Variants in KLF12 observed in about 807,000 individuals in gnomAD.
KLF12 encodes Krueppel-like factor 12.
In KLF12, 9 loss-of-function variants were observed where a neutral mutation model predicts 37.8. The observed-to-expected ratio is 0.24, with a 90% CI of 0.14 to 0.42. KLF12 has a LOEUF of 0.42. Ranked by LOEUF, KLF12 falls within the 10% of genes least tolerant of loss-of-function variation. KLF12 has a pLI of 1.00. For synonymous variants in KLF12, 208 were observed against 202.1 expected, an observed-to-expected ratio of 1.03 and a Z score of -0.25; for missense variants, 411 against 516.0, an observed-to-expected ratio of 0.80 and a Z score of 1.97.
the KLF12 span, among the ~76,000 whole-genome samples, chr13:74,170,597 T>G: frequency 1.3e-5 from 2 of 152,226 alleles, no homozygotes; most frequent in East Asian, 3.8e-4. Context: ...TCAATCTTTG[T>G]AGTTAGCATG....
At chr13:74,019,860 C>T (rs1473674909) in intron 1 of KLF12, among the ~76,000 whole-genome samples, 1 of 152,188 alleles carries the variant, frequency 6.6e-6, no homozygotes, top group Non-Finnish European at 1.5e-5. Flanking sequence ...GCTCTCATTG[C>T]TCAGGGTCAT....
At chr13:74,028,907 T>C in intron 1 of KLF12, among the ~76,000 whole-genome samples, 1 of 152,144 alleles carries the variant, frequency 6.6e-6, no homozygotes, top group Admixed American at 6.5e-5. Flanking sequence ...TAAAAACATA[T>C]GATATTAAAA....
At chr13:73,804,638 C>T (rs1240896552) in intron 5 of KLF12, among the ~76,000 whole-genome samples, 6 of 152,084 alleles carry the variant, frequency 3.9e-5, no homozygotes. Flanking sequence ...CAGTCATTCA[C>T]AGTCAATCAA....
chr13:73,826,604 C>A (rs778910657), intron 4 of KLF12, among the ~76,000 whole-genome samples: 3 of 152,106 alleles, frequency 2.0e-5, no homozygotes, highest in Non-Finnish European at 4.4e-5. Flanking sequence ...GAGCTGAAAG[C>A]TCCTTTGTAT....
intron 3 of KLF12, among the ~76,000 whole-genome samples, chr13:73,895,553 G>A (rs1887722694): frequency 6.6e-6 from 1 of 152,066 alleles, no homozygotes; most frequent in African/African-American, 2.4e-5. Context: ...TATAGTGGGT[G>A]GTTAGTAATG....
intron 1 of KLF12, among the ~76,000 whole-genome samples, chr13:74,115,475 C>T (rs560973402): frequency 3.9e-5 from 6 of 152,118 alleles, no homozygotes; most frequent in Non-Finnish European, 8.8e-5. Context: ...GAGGCTGAAG[C>T]AGGTGGATCA....
At chr13:73,738,726 C>T (rs557014812) in intron 6 of KLF12, among the ~76,000 whole-genome samples, 1 of 152,136 alleles carries the variant, frequency 6.6e-6, no homozygotes, top group Middle Eastern at 3.4e-3. Flanking sequence ...TTATAAAGAA[C>T]AAAGACCATG....
intron 1 of KLF12, among the ~76,000 whole-genome samples, chr13:74,022,233 A>G (rs1892859457): frequency 6.6e-6 from 1 of 152,218 alleles, no homozygotes. Flanking sequence ...ACAAAGTACA[A>G]GGCAGACTGC....
chr13:74,117,448 C>G (rs566644208), intron 1 of KLF12, among the ~76,000 whole-genome samples: 49 of 149,930 alleles, frequency 3.3e-4, no homozygotes, highest in Non-Finnish European at 6.0e-4. Context: ...AAGATATATA[C>G]GCATGTACCC....
intron 5 of KLF12, among the ~76,000 whole-genome samples, chr13:73,775,213 C>A (rs1022057809): frequency 6.6e-6 from 1 of 152,100 alleles, no homozygotes; most frequent in Non-Finnish European, 1.5e-5. Context: ...CCACTGTGCC[C>A]GGCCTATCAC....
intron 3 of KLF12, among the ~76,000 whole-genome samples, chr13:73,848,434 T>C (rs1885142924): frequency 6.6e-6 from 1 of 151,896 alleles, no homozygotes; most frequent in African/African-American, 2.4e-5. Flanking sequence ...GTCTACCTCT[T>C]GTGGGTATCT....
At chr13:73,792,274 A>G (rs79190391) in intron 5 of KLF12, among the ~76,000 whole-genome samples, 1,572 of 152,350 alleles carry the variant, frequency 0.01, 32 homozygotes, top group African/African-American at 0.036. Flanking sequence ...ATCTCAAAGT[A>G]TAAAAAGGTC....
the KLF12 span, among the ~76,000 whole-genome samples, chr13:74,145,403 T>A: frequency 6.6e-6 from 1 of 152,326 alleles, no homozygotes; most frequent in South Asian, 2.1e-4. Context: ...TTATGAGTTA[T>A]CCTCATTGTT....
At chr13:73,962,776 C>T (rs9530266) in intron 2 of KLF12, among the ~76,000 whole-genome samples, 6 of 152,188 alleles carry the variant, frequency 3.9e-5, no homozygotes, top group African/African-American at 1.4e-4. Context: ...ATGGACAATT[C>T]GATAATGCAT....
chr13:74,041,585 C>A (rs1593851177), intron 1 of KLF12, among the ~76,000 whole-genome samples: 1 of 151,956 alleles, frequency 6.6e-6, no homozygotes, highest in Non-Finnish European at 1.5e-5. Flanking sequence ...TGCAGCAACT[C>A]TTCCTTCTTA....
the KLF12 span, among the ~76,000 whole-genome samples, chr13:74,145,336 G>A: frequency 6.6e-6 from 1 of 152,134 alleles, no homozygotes; most frequent in Non-Finnish European, 1.5e-5. Flanking sequence ...AAAAAGTTTG[G>A]TTGAGTAGGG....
intron 2 of KLF12, among the ~76,000 whole-genome samples, chr13:73,986,506 G>C (rs1257349250): frequency 6.6e-6 from 1 of 152,162 alleles, no homozygotes; most frequent in Non-Finnish European, 1.5e-5. Flanking sequence ...AGTCACTTAC[G>C]TTTTTGAAAA....
At chr13:74,119,543 G>A (rs1387537845) in intron 1 of KLF12, among the ~76,000 whole-genome samples, 1 of 152,146 alleles carries the variant, frequency 6.6e-6, no homozygotes, top group East Asian at 1.9e-4. Flanking sequence ...CATAAAAAAT[G>A]CTAGGCAAAT....
chr13:74,256,187 T>G, the KLF12 span, among the ~76,000 whole-genome samples: 2 of 149,642 alleles, frequency 1.3e-5, no homozygotes, highest in African/African-American at 4.9e-5. Context: ...AGGAATGAAC[T>G]GCTTCAAGGC....
Sources: gnomAD v4.1 joint callset for allele counts (sites outside exome capture counted in the v4.1 genomes callset) on GRCh38, gnomAD v4.1.1 for gene constraint, MANE v1.5 for transcripts, NCBI Gene and HGNC (gene_info 2026-07-23, HGNC 2026-07-21) for gene names.